The following SND1 variants were observed in gnomAD, a reference collection of about 807,000 sequenced individuals.
The protein encoded by SND1 is staphylococcal nuclease domain-containing protein 1.
A neutral mutation model predicts 121.7 loss-of-function variants in SND1; 38 were observed. The observed-to-expected ratio is 0.31, with a 90% CI of 0.24 to 0.41. The LOEUF (loss-of-function observed/expected upper bound fraction) is 0.41, where lower values mean the gene tolerates loss of function less well. Among genes scored for constraint, SND1 ranks in the 10% least tolerant of loss-of-function variants. The pLI is 1.00. For missense variants in SND1, 868 were observed against 1,184.6 expected, an observed-to-expected ratio of 0.73 and a Z score of 3.92; for synonymous variants, 401 against 447.4, an observed-to-expected ratio of 0.90 and a Z score of 1.31.
intron 12 of SND1, among the ~76,000 whole-genome samples, chr7:127,849,316 C>T (rs1363657806): frequency 6.6e-6 from 1 of 152,172 alleles, no homozygotes; most frequent in Admixed American, 6.5e-5. Context: ...CTGAGGTGAC[C>T]TTTCCCTGTG....
chr7:128,090,515 C>T (rs113771794), intron 22 of SND1, among the ~76,000 whole-genome samples: 1 of 152,194 alleles, frequency 6.6e-6, no homozygotes, highest in Non-Finnish European at 1.5e-5. Context: ...CTCGGGCCCC[C>T]GACAGAGCTG....
At chr7:127,757,941 T>C (rs1797226626) in intron 10 of SND1, among the ~76,000 whole-genome samples, 1 of 152,224 alleles carries the variant, frequency 6.6e-6, no homozygotes, top group Non-Finnish European at 1.5e-5. Flanking sequence ...CTCTTTATTT[T>C]TGAAAAGCTT....
chr7:127,994,998 A>G (rs989771379), intron 16 of SND1, among the ~76,000 whole-genome samples: 1 of 152,124 alleles, frequency 6.6e-6, no homozygotes, highest in African/African-American at 2.4e-5. Flanking sequence ...CTGGGATTAC[A>G]GGCATGAGCC....
chr7:127,925,134 A>G (rs1258760371), intron 14 of SND1, among the ~76,000 whole-genome samples: 1 of 152,258 alleles, frequency 6.6e-6, no homozygotes, highest in East Asian at 1.9e-4. Flanking sequence ...AAGAGATGCC[A>G]TCCACAATAG....
chr7:127,842,185 G>A (rs1248573869), intron 11 of SND1, among the ~76,000 whole-genome samples: 1 of 152,152 alleles, frequency 6.6e-6, no homozygotes, highest in Non-Finnish European at 1.5e-5. Context: ...GCAATATGCT[G>A]TCTTTAAGCT....
chr7:127,685,658 G>T (rs890411697), intron 1 of SND1, among the ~76,000 whole-genome samples: 1 of 152,150 alleles, frequency 6.6e-6, no homozygotes, highest in Non-Finnish European at 1.5e-5. Context: ...TGGGTTCTAT[G>T]CCTGGCATCT....
intron 14 of SND1, among the ~76,000 whole-genome samples, chr7:127,913,327 T>A (rs1800499757): frequency 6.6e-6 from 1 of 152,148 alleles, no homozygotes; most frequent in Non-Finnish European, 1.5e-5. Context: ...CAAACAGGAG[T>A]GCATGCAAAT....
intron 12 of SND1, among the ~76,000 whole-genome samples, chr7:127,877,613 A>T (rs1799715220): frequency 6.6e-6 from 1 of 152,068 alleles, no homozygotes; most frequent in South Asian, 2.1e-4. Context: ...TTATTTATTT[A>T]TAAGAGGTGA....
In SND1 at chr7:128,053,756, C is replaced by CT. The variant is rs535062137; in HGVS notation, c.1780-20746_1780-20745insT. Among the ~76,000 whole-genome samples the CT allele has an allele frequency of 3.8e-3, 579 of 152,172 alleles. 3 individuals carry two copies. The highest frequency in any genetic ancestry group is 0.014 in the South Asian group (68 of 4,822). ...GCGGCACCTTTTTCCTGCTGGTCCT[C>CT]AAAGGGCCTTTCAGACTAGGGAAGG... is the stretch of plus-strand genomic sequence containing the variant. On this transcript the variant is annotated intron_variant, in intron 16 of 23. Coordinates refer to ENST00000354725, the MANE Select transcript of SND1 (RefSeq NM_014390.4).
At chr7:127,959,634 G>A (rs1049350303) in intron 15 of SND1, among the ~76,000 whole-genome samples, 2 of 152,080 alleles carry the variant, frequency 1.3e-5, no homozygotes, top group South Asian at 2.1e-4. Flanking sequence ...TTCTCCAACC[G>A]TCCTCTTTAA....
At chr7:127,769,138 A>C (rs544824805) in intron 10 of SND1, among the ~76,000 whole-genome samples, 3 of 152,340 alleles carry the variant, frequency 2.0e-5, no homozygotes, top group South Asian at 4.1e-4. Context: ...AACTGGGGAT[A>C]GTGAGGTCTT....
chr7:127,864,663 T>C (rs2116689021), intron 12 of SND1, among the ~76,000 whole-genome samples: 1 of 152,338 alleles, frequency 6.6e-6, no homozygotes, highest in South Asian at 2.1e-4. Context: ...ACTAACCCTT[T>C]TCTTTGTATA....
intron 15 of SND1, among the ~76,000 whole-genome samples, chr7:127,963,513 T>C (rs1355450457): frequency 8.8e-6 from 1 of 113,382 alleles, no homozygotes; most frequent in Non-Finnish European, 1.8e-5. Context: ...GTTTGGTTTT[T>C]TGTTCTTGCG....
At chr7:127,834,443 A>G (rs561324949) in intron 11 of SND1, among the ~76,000 whole-genome samples, 7 of 152,330 alleles carry the variant, frequency 4.6e-5, no homozygotes, top group Non-Finnish European at 1.0e-4. Context: ...TTCCAAAACA[A>G]TGACTGTAAA....
intron 15 of SND1, among the ~76,000 whole-genome samples, chr7:127,977,089 C>T (rs1370568045): frequency 6.6e-6 from 1 of 152,172 alleles, no homozygotes; most frequent in Non-Finnish European, 1.5e-5. Flanking sequence ...GTTTATCCAA[C>T]AAAGCAGCAC....
At chr7:127,881,802 G>C (rs750719930) in intron 12 of SND1, among the ~76,000 whole-genome samples, 3 of 152,044 alleles carry the variant, frequency 2.0e-5, no homozygotes, top group Non-Finnish European at 4.4e-5. Flanking sequence ...GCAGTGATGT[G>C]ACACTCTGTC....
At chr7:127,942,417 A>G (rs1473278260) in intron 15 of SND1, among the ~76,000 whole-genome samples, 1 of 152,198 alleles carries the variant, frequency 6.6e-6, no homozygotes, top group Non-Finnish European at 1.5e-5. Context: ...TAGCTTCAGC[A>G]TCTGCATCTC....
At chr7:127,886,987 T>C (rs902121738) in intron 12 of SND1, among the ~76,000 whole-genome samples, 2 of 152,048 alleles carry the variant, frequency 1.3e-5, no homozygotes, top group African/African-American at 4.8e-5. Flanking sequence ...ACTTTCTTTG[T>C]TCCCCATCTT....
intron 15 of SND1, among the ~76,000 whole-genome samples, chr7:127,930,184 A>G (rs1231288604): frequency 6.6e-6 from 1 of 152,042 alleles, no homozygotes; most frequent in Non-Finnish European, 1.5e-5. Context: ...CACTTGCAAA[A>G]GACATATCCC....
Sources: gnomAD v4.1 joint callset for allele counts (sites outside exome capture counted in the v4.1 genomes callset) on GRCh38, gnomAD v4.1.1 for gene constraint, MANE v1.5 for transcripts, NCBI Gene and HGNC (gene_info 2026-07-23, HGNC 2026-07-21) for gene names.